The following ZNF704 variants were observed in gnomAD, a reference collection of about 807,000 sequenced individuals.
ZNF704 encodes the protein glucocorticoid induced gene 1.
A neutral mutation model predicts 44.7 loss-of-function variants in ZNF704; 10 were observed. The ratio of observed to expected loss-of-function variants is 0.22; its 90% CI spans 0.14 to 0.38. ZNF704 has a LOEUF of 0.38. Among genes scored for constraint, ZNF704 ranks in the 10% least tolerant of loss-of-function variants. The pLI, the probability that ZNF704 is intolerant of heterozygous loss-of-function variation, is 1.00. For missense variants in ZNF704, 390 were observed against 545.5 expected (o/e 0.71, Z 2.84); for synonymous variants, 211 against 207.6 (o/e 1.02, Z -0.14).
intron 2 of ZNF704, among the ~76,000 whole-genome samples, chr8:80,744,309 T>C (rs1374617690): frequency 1.3e-5 from 2 of 151,010 alleles, no homozygotes; most frequent in South Asian, 2.1e-4. Flanking sequence ...GGCACTGTTC[T>C]AGAACATTGA....
At chr8:80,818,581 G>A (rs761091194) in intron 2 of ZNF704, among the ~76,000 whole-genome samples, 1 of 152,052 alleles carries the variant, frequency 6.6e-6, no homozygotes, top group Non-Finnish European at 1.5e-5. Context: ...GTATTGTTTA[G>A]GAAATAAAGA....
intron 2 of ZNF704, among the ~76,000 whole-genome samples, chr8:80,696,585 T>C (rs1479206060): frequency 2.0e-5 from 3 of 152,056 alleles, no homozygotes. Context: ...CCTCAGCTGA[T>C]TTTTGTATTT....
At chr8:80,724,831 CCCT>C (rs2131674022) in intron 2 of ZNF704, among the ~76,000 whole-genome samples, 1 of 152,282 alleles carries the variant, frequency 6.6e-6, no homozygotes, top group South Asian at 2.1e-4. Context: ...GATTTCCCTG[CCCT>C]AGTCTCTGCT....
At chr8:80,860,378 A>C (rs150355299) in intron 1 of ZNF704, among the ~76,000 whole-genome samples, 1 of 152,340 alleles carries the variant, frequency 6.6e-6, no homozygotes, top group East Asian at 1.9e-4. Flanking sequence ...CAGTCTTTCC[A>C]AAATCAACCC....
chr8:80,821,376 T>G lies in ZNF704; in HGVS notation c.219A>C (p.Ala73=). 6.2e-7 allele frequency: 1 copy of G among 1,613,564 alleles called. No homozygotes were observed. The highest frequency in any genetic ancestry group is 2.2e-5 in the East Asian group (1 of 44,880). Residue 73 remains alanine (A), a splice_region_variant and synonymous_variant, in exon 2 of 9, where the codon GCA becomes GCC. Transcript: ENST00000327835. ...VVSSNIDVPP[A]RKSSEELDMD... is the part of the protein sequence containing the mutation. ...TGTGAGATTTAATGTTCCCTTACCT[T>G]GCTGGAGGAACATCAATGTTGGAGG...
chr8:80,771,819 TATA>T (rs959736413), intron 2 of ZNF704, among the ~76,000 whole-genome samples: 9 of 152,322 alleles, frequency 5.9e-5, no homozygotes, highest in African/African-American at 1.9e-4. Flanking sequence ...CCCCATGAAG[TATA>T]ATATTATTTG....
chr8:80,792,923 A>G (rs1486769094), intron 2 of ZNF704, among the ~76,000 whole-genome samples: 1 of 152,250 alleles, frequency 6.6e-6, no homozygotes, highest in African/African-American at 2.4e-5. Context: ...AGCCATGCCC[A>G]GATTCCTGAC....
chr8:80,777,042 ATATT>A (rs1022961925), intron 2 of ZNF704: 4 of 151,836 alleles, frequency 2.6e-5, no homozygotes, highest in African/African-American at 9.7e-5. Context: ...TTTTCTTTTT[ATATT>A]TATTTATTTA....
At position 80,659,683 on chromosome 8, in the gene ZNF704, G is replaced by T. The variant is rs377164441; in HGVS notation, c.934C>A (p.Pro312Thr). Residue 312 changes from proline to threonine, a missense_variant, in exon 7 of 9, where the codon CCC becomes ACC. Coordinates refer to ENST00000327835, the MANE Select transcript of ZNF704 (RefSeq NM_001033723.3). The stretch of plus-strand genomic sequence containing the variant: ...GCCGATCCTGGAATGGTCACAGGGG[G>T]TGTGGCCTGTCAAATAAAAAACAGA... ...VHTDHAYQAT[P>T]PVTIPGSAKF... 8.7e-6 allele frequency: 14 copies of T among 1,612,702 alleles called. No individual in the cohort carries two copies. The African/African-American group carries it at 1.5e-4, about 17-fold the overall frequency.
intron 2 of ZNF704, among the ~76,000 whole-genome samples, chr8:80,739,216 G>A (rs184246021): frequency 6.6e-6 from 1 of 152,312 alleles, no homozygotes; most frequent in East Asian, 1.9e-4. Context: ...GCATTTGGAA[G>A]CCCGGATCCC....
chr8:80,662,058 C>G (rs1383374832), intron 6 of ZNF704, among the ~76,000 whole-genome samples: 1 of 152,066 alleles, frequency 6.6e-6, no homozygotes, highest in East Asian at 1.9e-4. Context: ...GTGTACCCCA[C>G]AAATACGTAT....
At chr8:80,764,687 G>A (rs1202565963) in intron 2 of ZNF704, among the ~76,000 whole-genome samples, 1 of 152,186 alleles carries the variant, frequency 6.6e-6, no homozygotes, top group Non-Finnish European at 1.5e-5. Flanking sequence ...CCAACTGAAA[G>A]TTTGGTTATT....
chr8:80,747,766 GA>G (rs1806870732), intron 2 of ZNF704, among the ~76,000 whole-genome samples: 1 of 152,204 alleles, frequency 6.6e-6, no homozygotes, highest in Non-Finnish European at 1.5e-5. Flanking sequence ...CGCCAGGCTG[GA>G]GTGCAGTGGT....
At chr8:80,840,826 T>C (rs1227323095) in intron 1 of ZNF704, among the ~76,000 whole-genome samples, 1 of 152,242 alleles carries the variant, frequency 6.6e-6, no homozygotes, top group Non-Finnish European at 1.5e-5. Context: ...TCAATTTCCA[T>C]TTTTAAACAG....
At chr8:80,841,912 C>G (rs967137821) in intron 1 of ZNF704, among the ~76,000 whole-genome samples, 1 of 152,202 alleles carries the variant, frequency 6.6e-6, no homozygotes, top group Non-Finnish European at 1.5e-5. Flanking sequence ...CTCAACCTCT[C>G]AAATACCTGG....
At position 80,850,583 on chromosome 8, in the gene ZNF704, T is replaced by G. The variant is rs371855547; in HGVS notation, c.-22+23988A>C. Among the ~76,000 whole-genome samples, 3 of 152,252 alleles carry G rather than the reference T, an allele frequency of 2.0e-5. No individual in the cohort carries two copies. In the East Asian group the frequency reaches 5.8e-4, roughly 29 times the overall value. ...TGGTCTGTGCACTCACTATATGCTT[T>G]TTGTTGTTTTATTTTGCTTTTTGCC... On this transcript the variant is annotated intron_variant, in intron 1 of 8. Coordinates refer to ENST00000327835, the MANE Select transcript of ZNF704 (RefSeq NM_001033723.3).
intron 2 of ZNF704, among the ~76,000 whole-genome samples, chr8:80,727,267 A>C (rs1806496771): frequency 6.6e-6 from 1 of 152,182 alleles, no homozygotes; most frequent in Non-Finnish European, 1.5e-5. Context: ...TCAGGGCCAG[A>C]CTTACGATCG....
chr8:80,724,757 C>T (rs992405824), intron 2 of ZNF704, among the ~76,000 whole-genome samples: 1 of 152,184 alleles, frequency 6.6e-6, no homozygotes, highest in African/African-American at 2.4e-5. Flanking sequence ...ACCACCACTG[C>T]CTAATTCAGG....
intron 4 of ZNF704, among the ~76,000 whole-genome samples, chr8:80,671,805 C>T (rs1818285602): frequency 6.6e-6 from 1 of 152,146 alleles, no homozygotes; most frequent in Non-Finnish European, 1.5e-5. Context: ...AGAAGTGACA[C>T]ACATTCCTTC....
Sources: gnomAD v4.1 joint callset for allele counts (sites outside exome capture counted in the v4.1 genomes callset) on GRCh38, gnomAD v4.1.1 for gene constraint, MANE v1.5 for transcripts, NCBI Gene and HGNC (gene_info 2026-07-23, HGNC 2026-07-21) for gene names.